The following RCAN2 variants were observed in gnomAD, a reference collection of about 807,000 sequenced individuals.
RCAN2 encodes the protein calcipressin-2.
A neutral mutation model predicts 23.6 loss-of-function variants in RCAN2; 9 were observed. That is an observed-to-expected ratio of 0.38 (90% confidence interval 0.23 to 0.67). The LOEUF (loss-of-function observed/expected upper bound fraction) is 0.67. Ranked by LOEUF, RCAN2 falls within the 30% of genes least tolerant of loss-of-function variation. The pLI is 0.51. For missense variants in RCAN2, 273 were observed against 302.3 expected, an observed-to-expected ratio of 0.90 and a Z score of 0.72; for synonymous variants, 109 against 115.7, an observed-to-expected ratio of 0.94 and a Z score of 0.37.
chr6:46,278,679 T>G (rs2150337450), intron 2 of RCAN2, among the ~76,000 whole-genome samples: 1 of 152,364 alleles, frequency 6.6e-6, no homozygotes, highest in East Asian at 1.9e-4. Context: ...TCTCGTTTCA[T>G]CTGGAACATT....
chr6:46,432,002 T>A (rs961750600), intron 2 of RCAN2, among the ~76,000 whole-genome samples: 3 of 152,210 alleles, frequency 2.0e-5, no homozygotes, highest in African/African-American at 7.2e-5. Context: ...ACAAAAATGT[T>A]GTGACTAAGA....
Position 46,230,969 on chromosome 6 carries a change from G to A in RCAN2, c.572-7668C>T, listed in dbSNP as rs572632725. On this transcript the variant is annotated intron_variant, in intron 4 of 4. Transcript: ENST00000371374. The stretch of plus-strand genomic sequence containing the variant: ...GAACACTGATAATGCAATAAATATC[G>A]AAGCCCTTCTAAGTGATGCTGGGAA... Among the ~76,000 whole-genome samples the A allele has an allele frequency of 6.8e-4, 104 of 152,274 alleles. No individual in the cohort carries two copies. In the South Asian group the frequency reaches 0.015, roughly 23 times the overall value.
chr6:46,400,764 C>T (rs1050338608), intron 2 of RCAN2, among the ~76,000 whole-genome samples: 2 of 152,204 alleles, frequency 1.3e-5, no homozygotes, highest in African/African-American at 4.8e-5. Flanking sequence ...CACTGCCCCA[C>T]AGCAGCAGGG....
chr6:46,387,704 A>C (rs541987513), intron 2 of RCAN2, among the ~76,000 whole-genome samples: 1 of 152,324 alleles, frequency 6.6e-6, no homozygotes, highest in African/African-American at 2.4e-5. Flanking sequence ...GCGATTCCTC[A>C]AGGATGTAGA....
At chr6:46,310,870 T>C (rs1561853166) in intron 2 of RCAN2, among the ~76,000 whole-genome samples, 2 of 152,218 alleles carry the variant, frequency 1.3e-5, no homozygotes, top group Non-Finnish European at 2.9e-5. Context: ...ATGCCATATA[T>C]TTTTTGGATG....
intron 4 of RCAN2, among the ~76,000 whole-genome samples, chr6:46,231,412 ATTT>A (rs549485650): frequency 1.4e-5 from 2 of 142,664 alleles, no homozygotes; most frequent in Non-Finnish European, 3.1e-5. Context: ...GGTTTGTGGC[ATTT>A]TTTTTTTTTT....
chr6:46,470,850 G>A (rs1768537350), intron 1 of RCAN2, among the ~76,000 whole-genome samples: 1 of 152,158 alleles, frequency 6.6e-6, no homozygotes, highest in Admixed American at 6.5e-5. Context: ...ATGTGGCAAG[G>A]ATGAAATCTG....
At position 46,430,049 on chromosome 6, in the gene RCAN2, G is replaced by A. The variant is rs117552389; in HGVS notation, c.225+26703C>T. Among the ~76,000 whole-genome samples the A allele has an allele frequency of 1.1e-3, 161 of 152,308 alleles. 2 individuals carry two copies. The East Asian group carries it at 0.029, about 27-fold the overall frequency. Reference sequence around the variant, plus strand: ...AGAATACTGACCTTCATCCTGAAAGGAATGGGAAGCTTTGGGTGGGTTTTA... The same window carrying A: ...AGAATACTGACCTTCATCCTGAAAGAAATGGGAAGCTTTGGGTGGGTTTTA... On this transcript the variant is annotated intron_variant, in intron 2 of 4. Coordinates refer to ENST00000371374, the MANE Select transcript of RCAN2 (RefSeq NM_001251974.2).
At chr6:46,435,774 T>C (rs904754830) in intron 2 of RCAN2, among the ~76,000 whole-genome samples, 1 of 152,354 alleles carries the variant, frequency 6.6e-6, no homozygotes, top group Middle Eastern at 3.4e-3. Flanking sequence ...GACTTGTCTT[T>C]TCAGAAAACT....
intron 2 of RCAN2, among the ~76,000 whole-genome samples, chr6:46,378,040 A>AT: frequency 6.6e-6 from 1 of 152,360 alleles, no homozygotes; most frequent in East Asian, 1.9e-4. Flanking sequence ...AAGCCCTGTC[A>AT]TAACAGCTGT....
chr6:46,281,624 T>C (rs1767922500), intron 2 of RCAN2, among the ~76,000 whole-genome samples: 2 of 152,352 alleles, frequency 1.3e-5, no homozygotes, highest in Middle Eastern at 3.4e-3. Context: ...GGTTCCTCTG[T>C]GCTCCAGAGA....
chr6:46,239,397 A>G (rs1420845543), intron 4 of RCAN2, among the ~76,000 whole-genome samples: 1 of 152,082 alleles, frequency 6.6e-6, no homozygotes. Flanking sequence ...CTCCTATTGA[A>G]CTTTGGTGGA....
intron 2 of RCAN2, among the ~76,000 whole-genome samples, chr6:46,360,666 C>T (rs564466569): frequency 6.6e-6 from 1 of 151,510 alleles, no homozygotes; most frequent in East Asian, 1.9e-4. Flanking sequence ...ACAGCAGAGG[C>T]TGGACTTATA....
At chr6:46,353,648 G>C (rs1764735868) in intron 2 of RCAN2, among the ~76,000 whole-genome samples, 1 of 152,098 alleles carries the variant, frequency 6.6e-6, no homozygotes, top group African/African-American at 2.4e-5. Context: ...TGAGATGTGA[G>C]GGTTATTCAT....
At chr6:46,289,810 C>T (rs1181508708) in intron 2 of RCAN2, among the ~76,000 whole-genome samples, 2 of 152,152 alleles carry the variant, frequency 1.3e-5, no homozygotes, top group African/African-American at 2.4e-5. Flanking sequence ...TCAAGTTTTA[C>T]CAGGGAACAC....
intron 2 of RCAN2, among the ~76,000 whole-genome samples, chr6:46,388,102 G>T (rs2150396911): frequency 6.6e-6 from 1 of 151,746 alleles, no homozygotes; most frequent in African/African-American, 2.4e-5. Context: ...GGGGCCTGTT[G>T]TGGGGTGGGG....
intron 2 of RCAN2, among the ~76,000 whole-genome samples, chr6:46,322,908 C>T (rs112068066): frequency 9.3e-4 from 142 of 152,274 alleles, no homozygotes; most frequent in African/African-American, 3.0e-3. Flanking sequence ...GAACAAGGAG[C>T]GCAGGTTTTC....
At chr6:46,350,986 A>G (rs911182294) in intron 2 of RCAN2, among the ~76,000 whole-genome samples, 1 of 152,168 alleles carries the variant, frequency 6.6e-6, no homozygotes, top group Non-Finnish European at 1.5e-5. Context: ...TCTCCTCTGG[A>G]TGATAATAGT....
chr6:46,279,017 C>A (rs1236039887), intron 2 of RCAN2, among the ~76,000 whole-genome samples: 3 of 152,100 alleles, frequency 2.0e-5, no homozygotes, highest in Admixed American at 6.6e-5. Flanking sequence ...GAAACCTGAG[C>A]AATGGTATGT....
Sources: gnomAD v4.1 joint callset for allele counts (sites outside exome capture counted in the v4.1 genomes callset) on GRCh38, gnomAD v4.1.1 for gene constraint, MANE v1.5 for transcripts, NCBI Gene and HGNC (gene_info 2026-07-23, HGNC 2026-07-21) for gene names.